DENND1B: variants seen among roughly 807,000 people sequenced by gnomAD.
DENND1B encodes DENN domain containing 1B.
Under a neutral mutation model 90.1 loss-of-function variants are expected in DENND1B, and 59 were observed. The ratio of observed to expected loss-of-function variants is 0.65; its 90% CI spans 0.53 to 0.81. DENND1B has a LOEUF of 0.81. Ranked by LOEUF, DENND1B falls within the 40% of genes least tolerant of loss-of-function variation. DENND1B has a pLI of 0.00. For synonymous variants in DENND1B, 337 were observed against 324.6 expected (o/e 1.04, Z -0.41); for missense variants, 862 against 912.6 (o/e 0.94, Z 0.71).
intron 13 of DENND1B, among the ~76,000 whole-genome samples, chr1:197,602,109 C>G (rs6676795): frequency 0.78 from 117,625 of 151,478 alleles, 45,952 homozygotes; most frequent in East Asian, 0.87. Flanking sequence ...AAAAAGTATA[C>G]TTTATATATA....
chr1:197,694,374 CTTG>C (rs1254663695), intron 3 of DENND1B, among the ~76,000 whole-genome samples: 2 of 151,444 alleles, frequency 1.3e-5, no homozygotes, highest in African/African-American at 2.4e-5. Context: ...AAATGCTACT[CTTG>C]TTGTTTCCAT....
At chr1:197,778,214 AG>A (rs1048677977), upstream of DENND1B, among the ~76,000 whole-genome samples, 6 of 152,352 alleles carry the variant, frequency 3.9e-5, no homozygotes, top group African/African-American at 1.2e-4. Flanking sequence ...TCTTCTGAAT[AG>A]TATTTGTCTG....
intron 10 of DENND1B, among the ~76,000 whole-genome samples, chr1:197,624,782 G>A (rs1308847530): frequency 2.6e-5 from 4 of 151,806 alleles, no homozygotes; most frequent in Non-Finnish European, 4.4e-5. Flanking sequence ...AATTTTAGAC[G>A]AATGTATAAC....
chr1:197,583,146 T>C lies in DENND1B; in HGVS notation c.1149+6A>G. The C allele has an allele frequency of 6.2e-7, 1 of 1,613,148 alleles. No individual in the cohort carries two copies. The highest frequency in any genetic ancestry group is 8.5e-7 in the Non-Finnish European group (1 of 1,179,182). On this transcript the variant is annotated splice_donor_region_variant and intron_variant, in intron 15 of 22. Coordinates refer to ENST00000620048, the MANE Select transcript of DENND1B (RefSeq NM_001195215.2). ...ACAAAAGAAAAATGTGGAGGTCCACTCTTACCTGCTTAAAAAGCTGGAGGT... is the reference window on the plus strand; with the variant it reads ...ACAAAAGAAAAATGTGGAGGTCCACCCTTACCTGCTTAAAAAGCTGGAGGT...
At chr1:197,716,329 T>G (rs1177799843) in intron 2 of DENND1B, among the ~76,000 whole-genome samples, 1 of 151,640 alleles carries the variant, frequency 6.6e-6, no homozygotes, top group Admixed American at 6.6e-5. Context: ...CTAAAAAGTT[T>G]CCATATAAAT....
intron 3 of DENND1B, among the ~76,000 whole-genome samples, chr1:197,713,829 A>ATATAATATATTATATATAATATATTATAT (rs1660278685): frequency 7.3e-5 from 2 of 27,578 alleles, no homozygotes; most frequent in Non-Finnish European, 1.2e-4. Flanking sequence ...AATATATTAT[A>ATATAATATATTATATATAATATATTATAT]TATAATATAT....
chr1:197,746,024 G>A lies in DENND1B; in HGVS notation c.82+26844C>T, dbSNP rs184489061. ...TCAATTGAAACTTTTTGGCATTTAC[G>A]ACTAATCCATTATAAACAACTGTTA... On this transcript the variant is annotated intron_variant, in intron 2 of 22. Coordinates refer to ENST00000620048, the MANE Select transcript of DENND1B (RefSeq NM_001195215.2). Among the ~76,000 whole-genome samples, 550 of 152,216 alleles carry A rather than the reference G, an allele frequency of 3.6e-3. 4 individuals are homozygous for A. Among genetic ancestry groups the A allele is most frequent in the African/African-American group, 0.012 (516 of 41,548 alleles).
At chr1:197,782,105 C>T in the DENND1B span, among the ~76,000 whole-genome samples, 2 of 152,232 alleles carry the variant, frequency 1.3e-5, no homozygotes, top group East Asian at 3.9e-4. Context: ...CAGAGTGTCA[C>T]CAACAGATGG....
At chr1:197,699,106 A>G (rs1342047170) in intron 3 of DENND1B, among the ~76,000 whole-genome samples, 1 of 152,142 alleles carries the variant, frequency 6.6e-6, no homozygotes, top group Non-Finnish European at 1.5e-5. Flanking sequence ...GAGACACACA[A>G]AAAAAGGGAA....
intron 16 of DENND1B, among the ~76,000 whole-genome samples, chr1:197,551,975 G>C (rs1571847774): frequency 6.6e-6 from 1 of 152,026 alleles, no homozygotes; most frequent in Non-Finnish European, 1.5e-5. Flanking sequence ...ATCAGATAAA[G>C]GTCCGCAACT....
Position 197,632,910 on chromosome 1 carries a change from G to A in DENND1B, c.672+9801C>T, listed in dbSNP as rs143189648. ...CTTCTACATAATAGTTTGGCAAAGAGAAACGTGTCTTGAACCAGGGGATTC... is the reference window on the plus strand; with the variant it reads ...CTTCTACATAATAGTTTGGCAAAGAAAAACGTGTCTTGAACCAGGGGATTC... On this transcript the variant is annotated intron_variant, in intron 10 of 22. Transcript: ENST00000620048. 6.6e-4 allele frequency among the ~76,000 whole-genome samples: 101 copies of A among 152,280 alleles called. No homozygotes were observed. The East Asian group carries it at 0.02, about 29-fold the overall frequency.
chr1:197,589,748 A>T (rs1486497143), intron 14 of DENND1B, among the ~76,000 whole-genome samples: 1 of 152,192 alleles, frequency 6.6e-6, no homozygotes, highest in Admixed American at 6.5e-5. Context: ...GGAGGACCGG[A>T]TTACTAACCA....
chr1:197,510,361 A>T lies in DENND1B; in HGVS notation c.*99T>A. The T allele has an allele frequency of 5.1e-6, 7 of 1,368,052 alleles. No individual in the cohort carries two copies. The highest frequency in any genetic ancestry group is 6.8e-6 in the Non-Finnish European group (7 of 1,030,960). The allele number at this position is 1,368,052 out of a possible 1,614,324, so 84.7% of individuals were successfully genotyped here. On this transcript the variant is annotated 3_prime_UTR_variant, in exon 23 of 23. Transcript: ENST00000620048. ...AAAAATGTTGCAAATGCAAAAAAAA[A>T]TTTAAATAGTATGAGTTGCCATTCC... is the stretch of plus-strand genomic sequence containing the variant.
At chr1:197,684,590 T>C (rs1401859360) in intron 3 of DENND1B, among the ~76,000 whole-genome samples, 1 of 152,132 alleles carries the variant, frequency 6.6e-6, no homozygotes, top group African/African-American at 2.4e-5. Flanking sequence ...TGAGACAATA[T>C]GTCATAACAA....
At chr1:197,586,891 A>G (rs576128137) in intron 14 of DENND1B, among the ~76,000 whole-genome samples, 1 of 152,318 alleles carries the variant, frequency 6.6e-6, no homozygotes, top group Admixed American at 6.5e-5. Flanking sequence ...TATATCCCAT[A>G]TAAGAAGTGG....
At chr1:197,554,931 A>C (rs1671590878) in intron 15 of DENND1B, among the ~76,000 whole-genome samples, 1 of 151,962 alleles carries the variant, frequency 6.6e-6, no homozygotes. Flanking sequence ...CTTACAGAAA[A>C]AATTAAGAAA....
At chr1:197,602,861 T>C (rs1676328892) in intron 13 of DENND1B, among the ~76,000 whole-genome samples, 2 of 151,506 alleles carry the variant, frequency 1.3e-5, no homozygotes, top group Non-Finnish European at 3.0e-5. Context: ...CTCCAGTTCT[T>C]ACATGCTCTT....
chr1:197,591,598 G>C (rs1254195476), intron 14 of DENND1B, among the ~76,000 whole-genome samples: 2 of 152,106 alleles, frequency 1.3e-5, no homozygotes, highest in African/African-American at 4.8e-5. Flanking sequence ...AGTAGTAGTA[G>C]TTACTCCAGG....
chr1:197,584,659 T>C (rs1257426824), intron 14 of DENND1B, among the ~76,000 whole-genome samples: 1 of 152,112 alleles, frequency 6.6e-6, no homozygotes, highest in Non-Finnish European at 1.5e-5. Flanking sequence ...TTTATACAGA[T>C]GATTGCCAAT....
Sources: gnomAD v4.1 joint callset for allele counts (sites outside exome capture counted in the v4.1 genomes callset) on GRCh38, gnomAD v4.1.1 for gene constraint, MANE v1.5 for transcripts, NCBI Gene and HGNC (gene_info 2026-07-23, HGNC 2026-07-21) for gene names.